RTN4IP1: variants seen among roughly 807,000 people sequenced by gnomAD.
RTN4IP1 encodes the protein reticulon 4 interacting protein 1, also known as NAD(P)H oxidoreductase RTN4IP1, mitochondrial.
Under a neutral mutation model 46.6 loss-of-function variants are expected in RTN4IP1, and 32 were observed. The observed-to-expected ratio is 0.69, with a 90% CI of 0.52 to 0.92. The LOEUF is 0.92. Ranked by LOEUF, RTN4IP1 falls within the 40% of genes least tolerant of loss-of-function variation. The probability of loss-of-function intolerance (pLI) is 0.00; values close to 1 mark genes in which losing one functional copy is unlikely to be tolerated. For synonymous variants in RTN4IP1, 167 were observed against 161.8 expected, an observed-to-expected ratio of 1.03 and a Z score of -0.24; for missense variants, 424 against 485.8, an observed-to-expected ratio of 0.87 and a Z score of 1.20.
At chr6:106,589,884 G>A (rs1036707160) in intron 6 of RTN4IP1, among the ~76,000 whole-genome samples, 1 of 152,308 alleles carries the variant, frequency 6.6e-6, no homozygotes, top group African/African-American at 2.4e-5. Flanking sequence ...AAGTACAAGC[G>A]AAAGGAGCAA....
At position 106,624,616 on chromosome 6, in the gene RTN4IP1, G is replaced by A. The variant is rs113417780; in HGVS notation, c.275-1647C>T. ...CTCCCAAAGTGCTGGGATTACAGGC[G>A]TGAGCCACCACACCTGGCCCATATC... On this transcript the variant is annotated intron_variant, in intron 1 of 8. Coordinates refer to ENST00000369063, the MANE Select transcript of RTN4IP1 (RefSeq NM_032730.5). Among the ~76,000 whole-genome samples, 519 of 151,306 alleles carry A rather than the reference G, an allele frequency of 3.4e-3. 5 individuals are homozygous for A. Among genetic ancestry groups the A allele is most frequent in the African/African-American group, 0.012 (477 of 41,354 alleles).
chr6:106,624,947 A>G (rs1029122819), intron 1 of RTN4IP1, among the ~76,000 whole-genome samples: 7 of 105,898 alleles, frequency 6.6e-5, no homozygotes, highest in African/African-American at 1.0e-4. Flanking sequence ...AAAAAAAAAA[A>G]AAAAGAAAAA....
intron 1 of RTN4IP1, among the ~76,000 whole-genome samples, chr6:106,625,422 C>T (rs1351531609): frequency 6.6e-6 from 1 of 152,084 alleles, no homozygotes; most frequent in Non-Finnish European, 1.5e-5. Flanking sequence ...TCCAAAGATG[C>T]TAAGAGGCTT....
chr6:106,597,916 A>G (rs1398011634), intron 5 of RTN4IP1, among the ~76,000 whole-genome samples: 5 of 152,060 alleles, frequency 3.3e-5, no homozygotes, highest in South Asian at 2.1e-4. Context: ...TCATTGTTCA[A>G]TTCCCACCTA....
intron 6 of RTN4IP1, among the ~76,000 whole-genome samples, chr6:106,590,072 C>T (rs531266138): frequency 6.6e-6 from 1 of 152,212 alleles, no homozygotes; most frequent in Admixed American, 6.5e-5. Flanking sequence ...AATCCCAGCA[C>T]TTTGGGAGAC....
intron 8 of RTN4IP1, among the ~76,000 whole-genome samples, chr6:106,580,980 TAAA>T (rs11309802): frequency 7.3e-6 from 1 of 137,400 alleles, no homozygotes; most frequent in Non-Finnish European, 1.6e-5. Flanking sequence ...CATATGCTGT[TAAA>T]AAAAAAAAAA....
intron 4 of RTN4IP1, among the ~76,000 whole-genome samples, chr6:106,610,258 T>G (rs1776192661): frequency 6.6e-6 from 1 of 152,016 alleles, no homozygotes; most frequent in African/African-American, 2.4e-5. Flanking sequence ...GAGATGGGGT[T>G]TCACCATGTT....
chr6:106,592,122 C>G, intron 6 of RTN4IP1, 42 bp downstream of exon 6: 1 of 1,601,258 alleles, frequency 6.2e-7, no homozygotes. Context: ...AATCAACTGT[C>G]CTTGTTCCCA....
rs1309453684 is a variant in RTN4IP1 at position 106,572,111 on chromosome 6, A to G, written c.1084-8T>C. 1 of 1,604,462 alleles carries G rather than the reference A, an allele frequency of 6.2e-7. No homozygotes were observed. The highest frequency in any genetic ancestry group is 1.7e-5 in the Admixed American group (1 of 59,770). On this transcript the variant is annotated splice_polypyrimidine_tract_variant and splice_region_variant and intron_variant, in intron 8 of 8. Transcript: ENST00000369063. ...TTCAATAACTGGCCGGATCTGTAAAACATAAGAGGTTGACCGGTGGATAAA... is the reference window on the plus strand; with the variant it reads ...TTCAATAACTGGCCGGATCTGTAAAGCATAAGAGGTTGACCGGTGGATAAA...
At chr6:106,590,834 A>T (rs1403963899) in intron 6 of RTN4IP1, among the ~76,000 whole-genome samples, 2 of 151,842 alleles carry the variant, frequency 1.3e-5, no homozygotes, top group East Asian at 3.9e-4. Context: ...AGGCCCTGAC[A>T]CACAGACAAG....
intron 1 of RTN4IP1, among the ~76,000 whole-genome samples, chr6:106,627,743 CTTTTTTTTTTTTTTT>C (rs759953237): frequency 5.7e-5 from 3 of 52,964 alleles, no homozygotes; most frequent in African/African-American, 1.9e-4. Flanking sequence ...CATTTCAATG[CTTTTTTTTTTTTTTT>C]TTTTTTTTTT....
At chr6:106,616,571 G>A (rs1776363041) in intron 4 of RTN4IP1, among the ~76,000 whole-genome samples, 1 of 83,526 alleles carries the variant, frequency 1.2e-5, no homozygotes, top group Non-Finnish European at 2.4e-5. Flanking sequence ...AATGCCAATA[G>A]CTAATAGCTA....
At chr6:106,627,564 T>C (rs1229212282) in intron 1 of RTN4IP1, among the ~76,000 whole-genome samples, 1 of 152,044 alleles carries the variant, frequency 6.6e-6, no homozygotes, top group African/African-American at 2.4e-5. Context: ...AACATGCTGA[T>C]CATTGAGTAA....
chr6:106,619,430 A>G, intron 3 of RTN4IP1, 104 bp from the exon 4 acceptor site: 1 of 1,369,354 alleles, frequency 7.3e-7, no homozygotes. Context: ...CTTGAACAAC[A>G]GGGGTTTGAA....
At chr6:106,580,947 T>A (rs1433968064) in intron 8 of RTN4IP1, among the ~76,000 whole-genome samples, 15 of 146,888 alleles carry the variant, frequency 1.0e-4, no homozygotes, top group African/African-American at 3.8e-4. Context: ...AGCTTTTATA[T>A]CCTGACATAA....
chr6:106,575,214 C>A (rs1757866524), intron 8 of RTN4IP1, among the ~76,000 whole-genome samples: 2 of 152,316 alleles, frequency 1.3e-5, no homozygotes, highest in South Asian at 4.1e-4. Context: ...GCACAGGGAG[C>A]CCTGTTATAA....
At position 106,628,983 on chromosome 6, in the gene RTN4IP1, T is replaced by C. The variant is rs146158799; in HGVS notation, c.39A>G (p.Ala13=). 2.0e-5 allele frequency: 32 copies of C among 1,613,820 alleles called. No homozygotes were observed. The highest frequency in any genetic ancestry group is 2.6e-5 in the Non-Finnish European group (31 of 1,179,956). ...TTCTCCAGAAGCAAACCGCAGTGCATGCATTTCTTCTAAGTACACAAGTCT... is the reference window on the plus strand; with the variant it reads ...TTCTCCAGAAGCAAACCGCAGTGCACGCATTTCTTCTAAGTACACAAGTCT... ...FLKTCVLRRN[A]CTAVCFWRSK... is the part of the protein sequence containing the mutation. Residue 13 remains alanine, a synonymous_variant, in exon 1 of 9, where the codon GCA becomes GCG. Transcript: ENST00000369063.
intron 4 of RTN4IP1, chr6:106,607,871 TTA>T (rs1009951911): frequency 9.9e-5 from 15 of 152,206 alleles, no homozygotes; most frequent in African/African-American, 3.6e-4. Context: ...AAGGGGACTC[TTA>T]TACACCTTTG....
At chr6:106,611,034 C>T (rs1030603564) in intron 4 of RTN4IP1, among the ~76,000 whole-genome samples, 2 of 151,220 alleles carry the variant, frequency 1.3e-5, no homozygotes, top group Non-Finnish European at 2.9e-5. Flanking sequence ...GCGCCAACCC[C>T]CTTAGCTGCC....
Sources: allele counts gnomAD v4.1 joint callset (sites outside exome capture counted in the v4.1 genomes callset), GRCh38; gene constraint gnomAD v4.1.1; transcripts MANE v1.5; gene names NCBI Gene and HGNC (gene_info 2026-07-23, HGNC 2026-07-21).